Variants in STC1 observed in about 807,000 individuals in gnomAD.
The protein encoded by STC1 is stanniocalcin 1.
In STC1, 7 loss-of-function variants were observed where a neutral mutation model predicts 22.6. That is an observed-to-expected ratio of 0.31 (90% CI 0.18 to 0.58). STC1 has a LOEUF of 0.58. Ranked by LOEUF, STC1 falls within the 20% of genes least tolerant of loss-of-function variation. The probability of loss-of-function intolerance (pLI) is 0.89; values close to 1 mark genes in which losing one functional copy is unlikely to be tolerated. For missense variants in STC1, 224 were observed against 311.0 expected, an observed-to-expected ratio of 0.72 and a Z score of 2.10; for synonymous variants, 113 against 120.7, an observed-to-expected ratio of 0.94 and a Z score of 0.42.
intron 3 of STC1, among the ~76,000 whole-genome samples, chr8:23,845,553 GGT>G (rs10679520): frequency 9.3e-5 from 14 of 150,238 alleles, no homozygotes; most frequent in African/African-American, 2.2e-4. Context: ...TGTGGGCACA[GGT>G]GTGTGTGTGT....
chr8:23,852,525 A>G, intron 1 of STC1, 141 bp from the exon 2 acceptor site: 1 of 845,028 alleles, frequency 1.2e-6, no homozygotes, highest in Non-Finnish European at 1.8e-6. Flanking sequence ...CAATTGATAG[A>G]CCCATTTGAT....
At chr8:23,848,640 C>T (rs1293668097) in intron 3 of STC1, among the ~76,000 whole-genome samples, 2 of 151,244 alleles carry the variant, frequency 1.3e-5, no homozygotes, top group African/African-American at 4.9e-5. Flanking sequence ...GTTCTGATCA[C>T]CCAGCCCGAA....
chr8:23,854,369 C>T (rs2117746976), intron 1 of STC1, 37 bp downstream of exon 1: 1 of 1,577,500 alleles, frequency 6.3e-7, no homozygotes, highest in Non-Finnish European at 8.7e-7. Context: ...GAGGACAGCT[C>T]TTTGGGGGAG....
intron 3 of STC1, among the ~76,000 whole-genome samples, chr8:23,850,780 C>G (rs554131404): frequency 6.6e-6 from 1 of 152,044 alleles, no homozygotes; most frequent in Non-Finnish European, 1.5e-5. Flanking sequence ...TTGCTTTTTA[C>G]AAAGGAAATC....
In STC1 at chr8:23,844,892, G is replaced by A. The variant is rs755392166; in HGVS notation, c.622C>T (p.Arg208Ter). ...GTGCGTCTCCTGTTGAAGTCAGCTC[G>A]TGGGTGTGTTTGGGCACAGTGGTCT... ...QTDHCAQTHP[R>*]ADFNRRRTNE... The change falls in exon 4 of 4, where the codon CGA (arginine) becomes TGA (stop). Residue 208 changes from arginine (R) to a stop codon, truncating the protein, a stop_gained. Coordinates refer to ENST00000290271, the MANE Select transcript of STC1 (RefSeq NM_003155.3). LOFTEE classifies it high-confidence loss of function. The A allele has an allele frequency of 8.7e-6, 14 of 1,613,960 alleles. No individual in the cohort carries two copies. The highest frequency in any genetic ancestry group is 2.2e-5 in the East Asian group (1 of 44,864).
intron 3 of STC1, among the ~76,000 whole-genome samples, chr8:23,848,505 C>G (rs1802598359): frequency 7.6e-6 from 1 of 131,966 alleles, no homozygotes; most frequent in Non-Finnish European, 1.5e-5. Context: ...GTACTCCAGC[C>G]TGGGCAACAG....
In STC1 at chr8:23,852,247, T is replaced by C; in HGVS notation, c.256A>G (p.Thr86Ala). 6.2e-7 allele frequency: 1 copy of C among 1,614,008 alleles called. No individual in the cohort carries two copies. The highest frequency in any genetic ancestry group is 8.5e-7 in the Non-Finnish European group (1 of 1,179,998). Residue 86 changes from threonine (T) to alanine (A), a missense_variant, in exon 2 of 4, where the codon ACT becomes GCT. By Grantham distance (58) the Thr-to-Ala change is moderately conservative (BLOSUM62 0). Coordinates refer to ENST00000290271, the MANE Select transcript of STC1 (RefSeq NM_003155.3). ...AGGGGTCAAGGTTTTATTACCTGAGTGTCAAATTTAGCAGCGCTGTACAAG... is the reference window on the plus strand; with the variant it reads ...AGGGGTCAAGGTTTTATTACCTGAGCGTCAAATTTAGCAGCGCTGTACAAG... ...SFLYSAAKFDTQGKAFVKESL... is the reference protein window; with the variant it reads ...SFLYSAAKFDAQGKAFVKESL...
intron 3 of STC1, among the ~76,000 whole-genome samples, chr8:23,845,769 A>G (rs7828058): frequency 0.19 from 28,158 of 152,044 alleles, 2,771 homozygotes; most frequent in African/African-American, 0.25. Flanking sequence ...CAAGAAGTCT[A>G]TTTAAATGGA....
Position 23,854,640 on chromosome 8 carries a change from A to G in STC1, c.-117T>C, listed in dbSNP as rs1264108706. On this transcript the variant is annotated 5_prime_UTR_variant, in exon 1 of 4. Transcript: ENST00000290271. Reference sequence around the variant, plus strand: ...TCTGGATACACTGAAAGCTTAGGTGAGGATTTGATGAGGATTTTTTTTTGT... The same window carrying G: ...TCTGGATACACTGAAAGCTTAGGTGGGGATTTGATGAGGATTTTTTTTTGT... 1.1e-5 allele frequency: 10 copies of G among 938,488 alleles called. No individual in the cohort carries two copies. The highest frequency in any genetic ancestry group is 1.7e-5 in the Non-Finnish European group (10 of 574,464). The allele number at this position is 938,488 out of a possible 1,614,324, so 58.1% of individuals were successfully genotyped here.
At chr8:23,853,430 G>A (rs1802662089) in intron 1 of STC1, among the ~76,000 whole-genome samples, 1 of 152,174 alleles carries the variant, frequency 6.6e-6, no homozygotes, top group African/African-American at 2.4e-5. Context: ...TTTTAGGCAA[G>A]CTCGAATTGT....
Position 23,854,621 on chromosome 8 carries a change from T to TCC in STC1, c.-99_-98insGG. On this transcript the variant is annotated 5_prime_UTR_variant, in exon 1 of 4. Transcript: ENST00000290271. Reference sequence around the variant, plus strand: ...GCTTGAGTGAAGATGTGGATCTGGATACACTGAAAGCTTAGGTGAGGATTT... The same window carrying TCC: ...GCTTGAGTGAAGATGTGGATCTGGATCCACACTGAAAGCTTAGGTGAGGATTT... 2 of 1,037,152 alleles carry TCC rather than the reference T, an allele frequency of 1.9e-6. No homozygotes were observed. The highest frequency in any genetic ancestry group is 3.0e-6 in the Non-Finnish European group (2 of 658,326). The allele number at this position is 1,037,152 out of a possible 1,614,324, so 64.2% of individuals were successfully genotyped here.
intron 3 of STC1, among the ~76,000 whole-genome samples, 154 bp from the exon 4 acceptor site, chr8:23,845,194 C>T (rs984892375): frequency 1.3e-5 from 2 of 152,142 alleles, no homozygotes; most frequent in African/African-American, 4.8e-5. Flanking sequence ...TGCTCTCTAA[C>T]CCTTGTGCCA....
chr8:23,845,062 A>G lies in STC1; in HGVS notation c.474-22T>C, dbSNP rs761027898. Reference sequence around the variant, plus strand: ...GTATCTGCATCAAGAAAGAGAGTGCATATGGTGGTCACCCAGTGAGAGCCC... The same window carrying G: ...GTATCTGCATCAAGAAAGAGAGTGCGTATGGTGGTCACCCAGTGAGAGCCC... On this transcript the variant is annotated intron_variant, in intron 3 of 3. Coordinates refer to ENST00000290271, the MANE Select transcript of STC1 (RefSeq NM_003155.3). The G allele has an allele frequency of 1.5e-5, 24 of 1,610,956 alleles. No homozygotes were observed. The South Asian group carries it at 2.2e-4, about 15-fold the overall frequency.
intron 2 of STC1, 125 bp downstream of exon 2, chr8:23,852,117 G>T: frequency 1.8e-6 from 2 of 1,119,498 alleles, no homozygotes; most frequent in Non-Finnish European, 2.6e-6. Context: ...TGCTGAGATG[G>T]GAATTTAGAG....
At chr8:23,851,578 A>G in intron 2 of STC1, 47 bp from the exon 3 acceptor site, 1 of 1,581,154 alleles carries the variant, frequency 6.3e-7, no homozygotes, top group Non-Finnish European at 8.7e-7. Flanking sequence ...TTGACCTGAC[A>G]AAGAGGATGG....
In STC1 at chr8:23,851,519, C is replaced by T. The variant is rs758995378; in HGVS notation, c.274G>A (p.Val92Ile). 7.6e-5 allele frequency: 123 copies of T among 1,613,918 alleles called. No homozygotes were observed. The highest frequency in any genetic ancestry group is 3.7e-4 in the Admixed American group (22 of 59,994). Residue 92 changes from valine (V) to isoleucine (I), a missense_variant, in exon 3 of 4, where the codon GTC becomes ATC. Val to Ile is a conservative substitution (Grantham distance 29). Transcript: ENST00000290271. ...AKFDTQGKAFVKESLKCIANG... is the reference protein window; with the variant it reads ...AKFDTQGKAFIKESLKCIANG... ...GCGATGCATTTTAAGCTCTCTTTGA[C>T]GAATGCTTTTCCCTGCCATGGAGGA... is the stretch of plus-strand genomic sequence containing the variant.
At position 23,844,986 on chromosome 8, in the gene STC1, G is replaced by C; in HGVS notation, c.528C>G (p.Ser176Arg). 1 of 1,614,174 alleles carries C rather than the reference G, an allele frequency of 6.2e-7. No individual in the cohort carries two copies. Among genetic ancestry groups the C allele is most frequent in the East Asian group, 2.2e-5 (1 of 44,868 alleles). The change falls in exon 4 of 4, where the codon AGC (serine) becomes AGG (arginine). Residue 176 changes from serine to arginine, a missense_variant. Coordinates refer to ENST00000290271, the MANE Select transcript of STC1 (RefSeq NM_003155.3). Reference protein sequence around the residue: ...SLLECDEDTVSTIRDSLMEKI... With the variant: ...SLLECDEDTVRTIRDSLMEKI... ...TCTCCATCAGGCTGTCTCTGATTGTGCTGACTGTGTCTTCATCACATTCCA... is the reference window on the plus strand; with the variant it reads ...TCTCCATCAGGCTGTCTCTGATTGTCCTGACTGTGTCTTCATCACATTCCA...
rs1173034771 is a variant in STC1, at chr8:23,843,523, C to G, written c.*1247G>C. 1.3e-5 allele frequency: 2 copies of G among 152,632 alleles called. No individual in the cohort carries two copies. The highest frequency in any genetic ancestry group is 4.8e-5 in the African/African-American group (2 of 41,436). 9.5% of individuals were successfully genotyped at this position (152,632 alleles called of 1,614,324 possible). A position where few individuals can be genotyped will look rare whatever the true frequency, so the allele number is the denominator to read the frequency against. Reference sequence around the variant, plus strand: ...GATTGATTTAATGGAAAGTCTCCCACCCCATCATCATTTGCCAGAGTACCA... The same window carrying G: ...GATTGATTTAATGGAAAGTCTCCCAGCCCATCATCATTTGCCAGAGTACCA... On this transcript the variant is annotated 3_prime_UTR_variant, in exon 4 of 4. Coordinates refer to ENST00000290271, the MANE Select transcript of STC1 (RefSeq NM_003155.3).
intron 3 of STC1, among the ~76,000 whole-genome samples, chr8:23,850,912 CTTTT>C (rs56311630): frequency 2.2e-5 from 2 of 89,440 alleles, no homozygotes; most frequent in African/African-American, 4.4e-5. Flanking sequence ...AACCAGAGGG[CTTTT>C]TTTTTTTTTT....
Sources: allele counts gnomAD v4.1 joint callset (sites outside exome capture counted in the v4.1 genomes callset), GRCh38; gene constraint gnomAD v4.1.1; transcripts MANE v1.5; gene names NCBI Gene and HGNC (gene_info 2026-07-23, HGNC 2026-07-21).